C2orf92: variants seen among roughly 807,000 people sequenced by gnomAD.
C2orf92 encodes uncharacterized protein C2orf92.
chr2:97,671,516 C>T (rs1023133904), intron 1 of C2orf92: 8 of 398,498 alleles, frequency 2.0e-5, no homozygotes, highest in Non-Finnish European at 3.1e-5. Flanking sequence ...TACCCCACTC[C>T]CTGTGGAACC....
At chr2:97,673,459 A>G (rs1675479727) in intron 1 of C2orf92, among the ~76,000 whole-genome samples, 1 of 152,180 alleles carries the variant, frequency 6.6e-6, no homozygotes, top group Admixed American at 6.5e-5. Context: ...ACACTGGCCT[A>G]CCAGGGCTGG....
intron 3 of C2orf92, among the ~76,000 whole-genome samples, chr2:97,682,590 G>A (rs1196014117): frequency 6.6e-6 from 1 of 151,996 alleles, no homozygotes; most frequent in African/African-American, 2.4e-5. Flanking sequence ...AAAACCAATA[G>A]CCTATTAAAA....
chr2:97,683,115 A>AC (rs1185190319), intron 3 of C2orf92, among the ~76,000 whole-genome samples: 2 of 70,912 alleles, frequency 2.8e-5, no homozygotes, highest in African/African-American at 5.8e-5. Flanking sequence ...CACACACACA[A>AC]ACATATTAAA....
chr2:97,685,563 C>CT (rs1200589653), intron 3 of C2orf92, among the ~76,000 whole-genome samples: 5 of 145,618 alleles, frequency 3.4e-5, no homozygotes, highest in South Asian at 2.2e-4. Context: ...CTGTGCTGGC[C>CT]TTTTTTTTTC....
intron 3 of C2orf92, among the ~76,000 whole-genome samples, chr2:97,687,290 C>A (rs904669057): frequency 9.2e-5 from 14 of 152,248 alleles, no homozygotes; most frequent in Admixed American, 5.9e-4. Flanking sequence ...TTGCTTGAGG[C>A]CAAGAGTTTA....
chr2:97,699,949 C>CA (rs1676437932), intron 6 of C2orf92, among the ~76,000 whole-genome samples: 1 of 152,262 alleles, frequency 6.6e-6, no homozygotes, highest in African/African-American at 2.4e-5. Flanking sequence ...TTCTCCCCAT[C>CA]ACCCAAGAAG....
intron 3 of C2orf92, among the ~76,000 whole-genome samples, chr2:97,678,962 G>A (rs533008962): frequency 4.6e-4 from 69 of 151,584 alleles, no homozygotes; most frequent in Non-Finnish European, 9.4e-4. Context: ...TGGGTGATGG[G>A]AGTGAGATCC....
chr2:97,685,018 C>CT (rs1340512245), intron 3 of C2orf92, among the ~76,000 whole-genome samples: 5 of 152,098 alleles, frequency 3.3e-5, no homozygotes, highest in African/African-American at 1.2e-4. Context: ...CAAGCTTCGC[C>CT]TCCCGGGTTC....
chr2:97,701,313 T>TGCTG lies in C2orf92; in HGVS notation c.665+12_665+15dup. The TGCTG allele has an allele frequency of 2.5e-6, 1 of 398,902 alleles. No individual in the cohort carries two copies. The allele number at this position is 398,902 out of a possible 1,614,324, so 24.7% of individuals were successfully genotyped here. A position where few individuals can be genotyped will look rare whatever the true frequency, so the allele number is the denominator to read the frequency against. On this transcript the variant is annotated intron_variant, in intron 7 of 7. Transcript: ENST00000627399. ...AGGAAGAAACAGCCATCGTGCGTGG[T>TGCTG]GCTGGCATAACCTTCCTTCCAAGAA...
At position 97,702,926 on chromosome 2, in the gene C2orf92, C is replaced by G; in HGVS notation, c.*125C>G. On this transcript the variant is annotated 3_prime_UTR_variant, in exon 8 of 8. Coordinates refer to ENST00000627399, the MANE Select transcript of C2orf92 (RefSeq NM_001351368.2). ...GTGTATTCTACAAAAACGTCTGCTTCCCATCCCAATTTGAATGGACCAAGA... is the reference window on the plus strand; with the variant it reads ...GTGTATTCTACAAAAACGTCTGCTTGCCATCCCAATTTGAATGGACCAAGA... The G allele has an allele frequency of 2.5e-6, 1 of 396,870 alleles. No homozygotes were observed. The highest frequency in any genetic ancestry group is 4.4e-5 in the Admixed American group (1 of 22,700). The allele number at this position is 396,870 out of a possible 1,614,324, so 24.6% of individuals were successfully genotyped here.
chr2:97,675,156 A>G (rs866050632), intron 2 of C2orf92, among the ~76,000 whole-genome samples: 2 of 152,358 alleles, frequency 1.3e-5, no homozygotes, highest in Non-Finnish European at 1.5e-5. Flanking sequence ...CATGAAGAAA[A>G]GAGAAACCTT....
intron 3 of C2orf92, among the ~76,000 whole-genome samples, chr2:97,681,209 T>C (rs1429146711): frequency 2.1e-5 from 3 of 141,560 alleles, no homozygotes; most frequent in Non-Finnish European, 4.6e-5. Context: ...AGCAGACATA[T>C]CCAGAACAAT....
upstream of C2orf92, among the ~76,000 whole-genome samples, chr2:97,666,643 GAC>G: frequency 6.6e-6 from 1 of 151,422 alleles, no homozygotes; most frequent in Non-Finnish European, 1.5e-5. Context: ...AGGAATTTGA[GAC>G]CAGCCTGGAC....
chr2:97,663,984 C>A (rs1220808000), upstream of C2orf92: 1 of 770,722 alleles, frequency 1.3e-6, no homozygotes, highest in Non-Finnish European at 1.7e-6. Flanking sequence ...CGGCTCCCGA[C>A]GCGGCGCCGC....
chr2:97,676,780 A>G (rs1675599907), intron 3 of C2orf92, among the ~76,000 whole-genome samples: 1 of 119,606 alleles, frequency 8.4e-6, no homozygotes, highest in Non-Finnish European at 1.7e-5. Context: ...TTAAAAAAAA[A>G]GAGAGAGACA....
intron 3 of C2orf92, among the ~76,000 whole-genome samples, chr2:97,684,287 G>A (rs1012646069): frequency 2.0e-5 from 3 of 151,932 alleles, no homozygotes; most frequent in Non-Finnish European, 2.9e-5. Flanking sequence ...CGCCCACCTC[G>A]GCCTCCCAAA....
At chr2:97,700,985 C>T (rs1385362563) in intron 6 of C2orf92, among the ~76,000 whole-genome samples, 169 bp from the exon 7 acceptor site, 1 of 152,220 alleles carries the variant, frequency 6.6e-6, no homozygotes, top group East Asian at 1.9e-4. Flanking sequence ...CCCGCCTCAG[C>T]CTCCCAAAGT....
intron 3 of C2orf92, among the ~76,000 whole-genome samples, chr2:97,683,914 G>A (rs1201047619): frequency 2.0e-5 from 3 of 149,332 alleles, no homozygotes. Flanking sequence ...TGGAGTGCAG[G>A]AGTGCAGTGG....
chr2:97,701,229 CA>C lies in C2orf92; in HGVS notation c.591del (p.Val199TrpfsTer36), dbSNP rs1266473829. 2 of 399,100 alleles carry C rather than the reference CA, an allele frequency of 5.0e-6. No individual in the cohort carries two copies. Among genetic ancestry groups the C allele is most frequent in the Non-Finnish European group, 8.8e-6 (2 of 226,108 alleles). 24.7% of individuals were successfully genotyped at this position (399,100 alleles called of 1,614,324 possible). A position where few individuals can be genotyped will look rare whatever the true frequency, so the allele number is the denominator to read the frequency against. Reference sequence around the variant, plus strand: ...AGGAACACCATCATCGCCGCCGTCTCAGGGGTGGCCATCCTCATGGCCATCG... The same window carrying C: ...AGGAACACCATCATCGCCGCCGTCTCGGGGTGGCCATCCTCATGGCCATCG... ...LQRNTIIAAV[S>X]GVAILMAIVL... On this transcript the variant is annotated frameshift_variant, in exon 7 of 8. Transcript: ENST00000627399. LOFTEE classifies it high-confidence loss of function.
Sources: gnomAD v4.1 joint callset for allele counts (sites outside exome capture counted in the v4.1 genomes callset) on GRCh38, gnomAD v4.1.1 for gene constraint, MANE v1.5 for transcripts, NCBI Gene and HGNC (gene_info 2026-07-23, HGNC 2026-07-21) for gene names.